Variants in IMMP2L observed in about 807,000 individuals in gnomAD.
The protein encoded by IMMP2L is inner mitochondrial membrane peptidase subunit 2, also known as mitochondrial inner membrane protease subunit 2.
Under a neutral mutation model 19.3 loss-of-function variants are expected in IMMP2L, and 18 were observed. The ratio of observed to expected loss-of-function variants is 0.93; its 90% CI spans 0.64 to 1.38. IMMP2L has a LOEUF of 1.38. IMMP2L is among the 40% of genes most tolerant of loss of function. IMMP2L has a pLI of 0.00. For missense variants in IMMP2L, 233 were observed against 218.2 expected, an observed-to-expected ratio of 1.07 and a Z score of -0.43; for synonymous variants, 76 against 73.0, an observed-to-expected ratio of 1.04 and a Z score of -0.21.
chr7:111,187,429 C>T (rs1808390425), intron 3 of IMMP2L, among the ~76,000 whole-genome samples: 1 of 152,084 alleles, frequency 6.6e-6, no homozygotes, highest in South Asian at 2.1e-4. Flanking sequence ...ACATATCTAA[C>T]CTTTTAAAAT....
chr7:110,809,772 A>C (rs751326340), intron 5 of IMMP2L, among the ~76,000 whole-genome samples: 2 of 152,062 alleles, frequency 1.3e-5, no homozygotes, highest in African/African-American at 2.4e-5. Context: ...TGGATACTTC[A>C]TGAGTTTTAA....
At chr7:110,685,709 T>C (rs1182645181) in intron 5 of IMMP2L, among the ~76,000 whole-genome samples, 1 of 152,080 alleles carries the variant, frequency 6.6e-6, no homozygotes, top group Admixed American at 6.6e-5. Context: ...GTTGCTGTTA[T>C]GTTTCATTTT....
chr7:110,767,263 C>T (rs568244585), intron 5 of IMMP2L, among the ~76,000 whole-genome samples: 1 of 152,090 alleles, frequency 6.6e-6, no homozygotes, highest in East Asian at 1.9e-4. Context: ...AGATTGATGA[C>T]AGACACAAGC....
chr7:110,714,099 C>T (rs1445657798), intron 5 of IMMP2L, among the ~76,000 whole-genome samples: 2 of 152,058 alleles, frequency 1.3e-5, no homozygotes, highest in Non-Finnish European at 2.9e-5. Flanking sequence ...GATGTATTTT[C>T]CTTTAATGCC....
chr7:110,673,915 G>A (rs968680877), intron 5 of IMMP2L, among the ~76,000 whole-genome samples: 5 of 152,024 alleles, frequency 3.3e-5, no homozygotes, highest in Non-Finnish European at 7.4e-5. Context: ...GTCTTTTTCT[G>A]ATCCCTCCAA....
At chr7:111,263,698 G>A (rs1255333848) in intron 3 of IMMP2L, among the ~76,000 whole-genome samples, 1 of 152,100 alleles carries the variant, frequency 6.6e-6, no homozygotes, top group Admixed American at 6.6e-5. Flanking sequence ...AGAGGTCCAT[G>A]AACTGATACC....
chr7:110,762,221 G>C (rs935638745), intron 5 of IMMP2L, among the ~76,000 whole-genome samples: 3 of 152,004 alleles, frequency 2.0e-5, no homozygotes, highest in African/African-American at 7.2e-5. Context: ...ATCTGGGAAA[G>C]AGACTTCTGG....
chr7:111,165,623 C>A (rs933076248), intron 3 of IMMP2L, among the ~76,000 whole-genome samples: 2 of 151,962 alleles, frequency 1.3e-5, no homozygotes, highest in South Asian at 2.1e-4. Flanking sequence ...TTTTAAAAAT[C>A]GTGATTTACT....
chr7:111,535,219 G>C lies in IMMP2L; in HGVS notation c.-2-13770C>G, dbSNP rs188010403. Among the ~76,000 whole-genome samples the C allele has an allele frequency of 4.7e-3, 711 of 152,080 alleles. 1 individual carries two copies. Among genetic ancestry groups the C allele is most frequent in the Non-Finnish European group, 5.5e-3 (377 of 67,982 alleles). ...CATGTATGTCATTAATAGGAGAAATGCCTCTACTATTCTGAGTAAAATGCA... is the reference window on the plus strand; with the variant it reads ...CATGTATGTCATTAATAGGAGAAATCCCTCTACTATTCTGAGTAAAATGCA... On this transcript the variant is annotated intron_variant, in intron 1 of 5. Transcript: ENST00000405709.
intron 3 of IMMP2L, among the ~76,000 whole-genome samples, chr7:111,128,395 A>G (rs1801522166): frequency 6.6e-6 from 1 of 152,230 alleles, no homozygotes; most frequent in Non-Finnish European, 1.5e-5. Context: ...CAGAAAAAAT[A>G]CAAGGTTTTT....
At chr7:111,099,522 T>C (rs1251393128) in intron 3 of IMMP2L, among the ~76,000 whole-genome samples, 1 of 151,724 alleles carries the variant, frequency 6.6e-6, no homozygotes, top group Admixed American at 6.6e-5. Context: ...AACTTCAGCA[T>C]TTCTTGCTAT....
At chr7:111,160,117 A>G (rs2129606237) in intron 3 of IMMP2L, among the ~76,000 whole-genome samples, 1 of 152,230 alleles carries the variant, frequency 6.6e-6, no homozygotes, top group Admixed American at 6.5e-5. Flanking sequence ...ATTCTTCTTC[A>G]TCCCATAAAT....
intron 4 of IMMP2L, chr7:110,962,968 A>G (rs1819125159): frequency 1.4e-6 from 2 of 1,467,488 alleles, no homozygotes; most frequent in Non-Finnish European, 1.8e-6. Context: ...CAAGTACAAT[A>G]AATACGACAT....
At chr7:110,884,235 T>C (rs1289796438) in intron 5 of IMMP2L, among the ~76,000 whole-genome samples, 1 of 151,832 alleles carries the variant, frequency 6.6e-6, no homozygotes, top group East Asian at 1.9e-4. Flanking sequence ...CAATAGAAAA[T>C]GTATTTATCT....
At chr7:111,047,185 T>C (rs12705752) in intron 3 of IMMP2L, among the ~76,000 whole-genome samples, 1 of 55,310 alleles carries the variant, frequency 1.8e-5, no homozygotes, top group Non-Finnish European at 4.7e-5. Flanking sequence ...GTTTTTTTTT[T>C]GTTTTTTTTT....
chr7:110,819,250 G>A (rs1448377487), intron 5 of IMMP2L, among the ~76,000 whole-genome samples: 1 of 152,026 alleles, frequency 6.6e-6, no homozygotes, highest in Admixed American at 6.6e-5. Context: ...GTAAGGTAAA[G>A]ATAGGTTACA....
intron 3 of IMMP2L, among the ~76,000 whole-genome samples, chr7:111,452,482 T>C (rs1294614990): frequency 6.6e-6 from 1 of 152,022 alleles, no homozygotes; most frequent in East Asian, 2.0e-4. Context: ...AAATTATATA[T>C]CTCTGTTTTA....
intron 3 of IMMP2L, among the ~76,000 whole-genome samples, chr7:111,118,121 T>C (rs1305374805): frequency 6.6e-6 from 1 of 152,132 alleles, no homozygotes; most frequent in Non-Finnish European, 1.5e-5. Flanking sequence ...ATTGCACACA[T>C]TTTTATTGTA....
intron 3 of IMMP2L, among the ~76,000 whole-genome samples, chr7:111,027,145 C>G (rs564743560): frequency 1.4e-4 from 21 of 152,216 alleles, no homozygotes; most frequent in Admixed American, 3.3e-4. Context: ...AGAGCCACTT[C>G]AACGCCCACT....
Sources: gnomAD v4.1 joint callset for allele counts (sites outside exome capture counted in the v4.1 genomes callset) on GRCh38, gnomAD v4.1.1 for gene constraint, MANE v1.5 for transcripts, NCBI Gene and HGNC (gene_info 2026-07-23, HGNC 2026-07-21) for gene names.